The following COL25A1 variants were observed in gnomAD, a reference collection of about 807,000 sequenced individuals.
COL25A1 encodes collagen alpha-1(XXV) chain.
Under a neutral mutation model 128.4 loss-of-function variants are expected in COL25A1, and 103 were observed. The ratio of observed to expected loss-of-function variants is 0.80; its 90% CI spans 0.68 to 0.94. COL25A1 has a LOEUF of 0.94. Among genes scored for constraint, COL25A1 ranks in the 40% least tolerant of loss-of-function variants. The probability of loss-of-function intolerance (pLI) is 0.00; values close to 1 mark genes in which losing one functional copy is unlikely to be tolerated. For synonymous variants in COL25A1, 279 were observed against 277.2 expected (o/e 1.01, Z -0.06); for missense variants, 745 against 840.0 (o/e 0.89, Z 1.40).
chr4:109,071,209 T>C (rs2125982949), intron 3 of COL25A1, among the ~76,000 whole-genome samples: 1 of 152,294 alleles, frequency 6.6e-6, no homozygotes, highest in Non-Finnish European at 1.5e-5. Flanking sequence ...GGATTCCCTA[T>C]TTAATAAATG....
At chr4:109,044,151 A>G (rs962108328) in intron 5 of COL25A1, among the ~76,000 whole-genome samples, 5 of 152,010 alleles carry the variant, frequency 3.3e-5, no homozygotes, top group African/African-American at 9.7e-5. Context: ...CTCAAAATAG[A>G]TAAGGCTGAG....
At chr4:109,187,144 CTTTT>C (rs1317005619) in intron 3 of COL25A1, among the ~76,000 whole-genome samples, 1 of 139,224 alleles carries the variant, frequency 7.2e-6, no homozygotes, top group East Asian at 2.2e-4. Context: ...GCGATTATAC[CTTTT>C]TTTAATAGTG....
At chr4:109,159,934 C>T (rs1772396286) in intron 3 of COL25A1, among the ~76,000 whole-genome samples, 1 of 152,046 alleles carries the variant, frequency 6.6e-6, no homozygotes, top group Non-Finnish European at 1.5e-5. Context: ...ACAAAGATTG[C>T]TAGTGAGGTA....
intron 3 of COL25A1, among the ~76,000 whole-genome samples, chr4:109,183,562 T>C (rs865899693): frequency 6.6e-6 from 1 of 152,176 alleles, no homozygotes; most frequent in Admixed American, 6.5e-5. Flanking sequence ...AATTGATTTG[T>C]AGATGTAGCA....
At chr4:108,829,424 TATCTATCTATC>T (rs1034406037) in intron 32 of COL25A1, among the ~76,000 whole-genome samples, 3 of 147,588 alleles carry the variant, frequency 2.0e-5, no homozygotes, top group Non-Finnish European at 3.0e-5. Flanking sequence ...TCTATCTATC[TATCTATCTATC>T]ATCTATCTAT....
At chr4:109,197,470 T>A (rs1242986074) in intron 3 of COL25A1, among the ~76,000 whole-genome samples, 1 of 74,724 alleles carries the variant, frequency 1.3e-5, no homozygotes, top group African/African-American at 4.2e-5. Context: ...ATATTATATA[T>A]AATATATATT....
rs771068138 is a variant in COL25A1, at chr4:108,974,394, C to T, written c.466-1G>A. 6.2e-7 allele frequency: 1 copy of T among 1,613,834 alleles called. No homozygotes were observed. Among genetic ancestry groups the T allele is most frequent in the Non-Finnish European group, 8.5e-7 (1 of 1,179,874 alleles). ...TAGGTCCCTGATCACCTTGTTCTCC[C>T]TGTAGAATAGAAAGGTGAGATAACA... On this transcript the variant is annotated splice_acceptor_variant, in intron 7 of 37. Coordinates refer to ENST00000399132, the MANE Select transcript of COL25A1 (RefSeq NM_198721.4). LOFTEE classifies it high-confidence loss of function.
chr4:108,921,747 T>C (rs1745517496), intron 11 of COL25A1, among the ~76,000 whole-genome samples: 1 of 152,204 alleles, frequency 6.6e-6, no homozygotes, highest in South Asian at 2.1e-4. Context: ...CCTCATATAA[T>C]CAGCTTTAGG....
chr4:109,227,842 T>C (rs942102262), intron 3 of COL25A1, among the ~76,000 whole-genome samples: 2 of 152,098 alleles, frequency 1.3e-5, no homozygotes, highest in Non-Finnish European at 2.9e-5. Context: ...TTCATGCAAT[T>C]ATGGTGGCTG....
intron 5 of COL25A1, among the ~76,000 whole-genome samples, chr4:109,019,260 T>A (rs561579538): frequency 1.3e-5 from 2 of 151,548 alleles, no homozygotes; most frequent in South Asian, 4.2e-4. Context: ...CTGGCTCTCC[T>A]TGCTCCTCAG....
chr4:109,198,294 T>TCACACACACACA (rs112993547), intron 3 of COL25A1, among the ~76,000 whole-genome samples: 1,777 of 144,008 alleles, frequency 0.012, 12 homozygotes, highest in South Asian at 0.026. Context: ...GCATATTCAT[T>TCACACACACACA]CACACACACA....
chr4:109,140,941 AG>A (rs1243839349), intron 3 of COL25A1, among the ~76,000 whole-genome samples: 1 of 152,202 alleles, frequency 6.6e-6, no homozygotes, highest in Non-Finnish European at 1.5e-5. Context: ...CTCTTGCCTG[AG>A]TACCCTGGCC....
At chr4:108,991,489 C>G (rs1021810573) in intron 6 of COL25A1, among the ~76,000 whole-genome samples, 1 of 152,048 alleles carries the variant, frequency 6.6e-6, no homozygotes, top group Non-Finnish European at 1.5e-5. Context: ...ATCAAAAATT[C>G]TAATATATTA....
chr4:108,888,447 G>T (rs1741079855), intron 18 of COL25A1, among the ~76,000 whole-genome samples: 1 of 152,114 alleles, frequency 6.6e-6, no homozygotes, highest in Non-Finnish European at 1.5e-5. Context: ...ACATTTACTT[G>T]CTAGCTACAT....
intron 3 of COL25A1, among the ~76,000 whole-genome samples, chr4:109,154,477 G>A (rs1321229091): frequency 6.6e-6 from 1 of 152,144 alleles, no homozygotes; most frequent in Non-Finnish European, 1.5e-5. Flanking sequence ...AAAGCTCAAG[G>A]GAGGAGTGGA....
At chr4:108,987,807 C>T (rs1057466486) in intron 6 of COL25A1, among the ~76,000 whole-genome samples, 1 of 152,164 alleles carries the variant, frequency 6.6e-6, no homozygotes, top group Non-Finnish European at 1.5e-5. Flanking sequence ...GTCCCATCTC[C>T]ACCTCCCCCA....
chr4:108,824,065 G>A (rs766536460), intron 35 of COL25A1, 109 bp downstream of exon 35: 1 of 1,613,148 alleles, frequency 6.2e-7, no homozygotes, highest in South Asian at 1.1e-5. Context: ...TGTTTTTGGA[G>A]CACAGGATGG....
At chr4:108,860,388 G>A (rs1261679258) in intron 23 of COL25A1, among the ~76,000 whole-genome samples, 1 of 152,142 alleles carries the variant, frequency 6.6e-6, no homozygotes, top group Non-Finnish European at 1.5e-5. Flanking sequence ...ACTGCACCTG[G>A]CCGTCATTCT....
intron 15 of COL25A1, among the ~76,000 whole-genome samples, chr4:108,898,575 C>T (rs1358318235): frequency 6.6e-6 from 1 of 152,182 alleles, no homozygotes; most frequent in East Asian, 1.9e-4. Context: ...ACACTCTGCT[C>T]TTCCTGTTTC....
Sources: gnomAD v4.1 joint callset for allele counts (sites outside exome capture counted in the v4.1 genomes callset) on GRCh38, gnomAD v4.1.1 for gene constraint, MANE v1.5 for transcripts, NCBI Gene and HGNC (gene_info 2026-07-23, HGNC 2026-07-21) for gene names.